The following RAB28 variants were observed in gnomAD, a reference collection of about 807,000 sequenced individuals.
RAB28 encodes ras-related protein Rab-28.
In RAB28, 24 loss-of-function variants were observed where a neutral mutation model predicts 31.7. The ratio of observed to expected loss-of-function variants is 0.76; its 90% CI spans 0.55 to 1.06. The LOEUF (loss-of-function observed/expected upper bound fraction) is 1.06. RAB28 is among the 50% of genes least tolerant of loss of function. The pLI, the probability that RAB28 is intolerant of heterozygous loss-of-function variation, is 0.00. For missense variants in RAB28, 254 were observed against 258.5 expected, an observed-to-expected ratio of 0.98 and a Z score of 0.12; for synonymous variants, 100 against 90.4, an observed-to-expected ratio of 1.11 and a Z score of -0.60.
At chr4:13,449,942 G>C (rs976110419) in intron 4 of RAB28, among the ~76,000 whole-genome samples, 1 of 151,774 alleles carries the variant, frequency 6.6e-6, no homozygotes, top group Non-Finnish European at 1.5e-5. Flanking sequence ...TGATGGATCA[G>C]ATAGTATAAA....
chr4:13,452,393 T>C (rs1005305074), intron 4 of RAB28, among the ~76,000 whole-genome samples: 3 of 152,024 alleles, frequency 2.0e-5, no homozygotes, highest in Admixed American at 6.6e-5. Context: ...AGCTTTTTGA[T>C]GCAGGCATTT....
At chr4:13,468,765 A>G (rs1303243820) in intron 3 of RAB28, among the ~76,000 whole-genome samples, 3 of 151,732 alleles carry the variant, frequency 2.0e-5, no homozygotes, top group Admixed American at 6.6e-5. Flanking sequence ...AAATCAACAA[A>G]GCCAAAAGCT....
intron 4 of RAB28, among the ~76,000 whole-genome samples, chr4:13,426,332 G>T (rs1272759085): frequency 6.6e-6 from 1 of 151,998 alleles, no homozygotes; most frequent in Non-Finnish European, 1.5e-5. Flanking sequence ...TACTAATGAG[G>T]ATGCAACATC....
intron 4 of RAB28, among the ~76,000 whole-genome samples, chr4:13,425,028 A>C (rs773482548): frequency 6.6e-6 from 1 of 152,180 alleles, no homozygotes; most frequent in Non-Finnish European, 1.5e-5. Flanking sequence ...TATTTTCACC[A>C]CTTTACCAAA....
At chr4:13,386,423 A>C (rs1308774880) in intron 4 of RAB28, among the ~76,000 whole-genome samples, 1 of 151,576 alleles carries the variant, frequency 6.6e-6, no homozygotes, top group Non-Finnish European at 1.5e-5. Context: ...AAAAAAAAAC[A>C]GCTCAATTAA....
intron 4 of RAB28, among the ~76,000 whole-genome samples, chr4:13,393,322 T>C (rs1162482902): frequency 1.3e-5 from 2 of 152,170 alleles, no homozygotes; most frequent in Non-Finnish European, 2.9e-5. Context: ...AAAAGGAATA[T>C]GTACAAAAGC....
intron 2 of RAB28, among the ~76,000 whole-genome samples, chr4:13,475,758 T>C (rs1278172694): frequency 6.6e-6 from 1 of 151,560 alleles, no homozygotes; most frequent in Non-Finnish European, 1.5e-5. Context: ...CCTATGAATA[T>C]GAAAACCAAA....
rs145596945 is a variant in RAB28 at position 13,427,272 on chromosome 4, T to A, written c.391+33427A>T. Among the ~76,000 whole-genome samples the A allele has an allele frequency of 6.5e-4, 99 of 152,324 alleles. 2 individuals carry two copies. In the South Asian group the frequency reaches 8.7e-3, roughly 13 times the overall value. On this transcript the variant is annotated intron_variant, in intron 4 of 6. Transcript: ENST00000330852. Reference sequence around the variant, plus strand: ...AGGGCCTTCTTAAAATACTACTGCTTCCAGCTTTGACACAATAACTAGGAC... The same window carrying A: ...AGGGCCTTCTTAAAATACTACTGCTACCAGCTTTGACACAATAACTAGGAC...
chr4:13,415,748 C>T (rs1426213338), intron 4 of RAB28, among the ~76,000 whole-genome samples: 1 of 152,170 alleles, frequency 6.6e-6, no homozygotes, highest in African/African-American at 2.4e-5. Flanking sequence ...CCAATGACCA[C>T]GCAAAGGCTG....
At chr4:13,389,366 T>C (rs1368383060) in intron 4 of RAB28, among the ~76,000 whole-genome samples, 2 of 152,122 alleles carry the variant, frequency 1.3e-5, no homozygotes, top group African/African-American at 4.8e-5. Context: ...GATGAAAAAG[T>C]TCTGAAGATT....
rs193115682 is a variant in RAB28, at chr4:13,402,281, C to A, written c.392-20687G>T. Among the ~76,000 whole-genome samples the A allele has an allele frequency of 2.6e-4, 39 of 152,290 alleles. 1 individual carries two copies. Among genetic ancestry groups the A allele is most frequent in the East Asian group, 3.9e-4 (2 of 5,184 alleles). On this transcript the variant is annotated intron_variant, in intron 4 of 6. Transcript: ENST00000330852. ...CCGATGTTGTTCATGCCTTCTATAT[C>A]CCTACTGATTCTCAGTCTACTTGTT...
At chr4:13,415,419 C>A (rs1247002813) in intron 4 of RAB28, among the ~76,000 whole-genome samples, 2 of 152,138 alleles carry the variant, frequency 1.3e-5, no homozygotes, top group Non-Finnish European at 2.9e-5. Context: ...AGGCGGGAAC[C>A]GGGGCTGCGC....
At chr4:13,418,571 A>C (rs1200354855) in intron 4 of RAB28, among the ~76,000 whole-genome samples, 2 of 152,268 alleles carry the variant, frequency 1.3e-5, no homozygotes, top group African/African-American at 4.8e-5. Flanking sequence ...AAACTCTACA[A>C]GCCAGAAGAC....
At chr4:13,467,280 C>T (rs1715906318) in intron 3 of RAB28, among the ~76,000 whole-genome samples, 1 of 151,370 alleles carries the variant, frequency 6.6e-6, no homozygotes, top group Non-Finnish European at 1.5e-5. Flanking sequence ...ACTCTGTACT[C>T]CATAAATATA....
intron 4 of RAB28, among the ~76,000 whole-genome samples, chr4:13,402,064 T>C (rs766847076): frequency 2.6e-5 from 4 of 152,214 alleles, no homozygotes; most frequent in Non-Finnish European, 5.9e-5. Context: ...TACAAATATG[T>C]TTTTCTGTTA....
At chr4:13,390,481 G>C (rs1729578058) in intron 4 of RAB28, among the ~76,000 whole-genome samples, 2 of 151,762 alleles carry the variant, frequency 1.3e-5, no homozygotes, top group South Asian at 4.2e-4. Context: ...ATGAAAAACG[G>C]CCATACTGCC....
chr4:13,435,933 C>T (rs568459720), intron 4 of RAB28, among the ~76,000 whole-genome samples: 7 of 152,016 alleles, frequency 4.6e-5, no homozygotes, highest in African/African-American at 1.7e-4. Flanking sequence ...AAATTACAGG[C>T]CAATATGAAC....
At chr4:13,450,091 A>C (rs1322213473) in intron 4 of RAB28, among the ~76,000 whole-genome samples, 1 of 151,858 alleles carries the variant, frequency 6.6e-6, no homozygotes, top group Non-Finnish European at 1.5e-5. Context: ...AATATTCCTG[A>C]ATTTCCACTT....
At chr4:13,423,418 T>C (rs538502836) in intron 4 of RAB28, among the ~76,000 whole-genome samples, 177 of 147,728 alleles carry the variant, frequency 1.2e-3, no homozygotes, top group Non-Finnish European at 1.2e-3. Context: ...ATACCTGTAA[T>C]CCCAGCTACT....
Sources: gnomAD v4.1 joint callset for allele counts (sites outside exome capture counted in the v4.1 genomes callset) on GRCh38, gnomAD v4.1.1 for gene constraint, MANE v1.5 for transcripts, NCBI Gene and HGNC (gene_info 2026-07-23, HGNC 2026-07-21) for gene names.